Variants in SYT1 observed in about 807,000 individuals in gnomAD.
The protein encoded by SYT1 is synaptotagmin-1.
In SYT1, 8 loss-of-function variants were observed where a neutral mutation model predicts 44.8. That is an observed-to-expected ratio of 0.18 (90% CI 0.10 to 0.32). The LOEUF is 0.32. SYT1 is among the 10% of genes least tolerant of loss of function. SYT1 has a pLI of 1.00. For missense variants in SYT1, 286 were observed against 509.3 expected, an observed-to-expected ratio of 0.56 and a Z score of 4.22; for synonymous variants, 154 against 188.8, an observed-to-expected ratio of 0.82 and a Z score of 1.51.
At chr12:79,238,210 C>T (rs1173456185) in intron 4 of SYT1, among the ~76,000 whole-genome samples, 3 of 148,410 alleles carry the variant, frequency 2.0e-5, no homozygotes, top group Admixed American at 6.7e-5. Context: ...CATGTGACCC[C>T]GTTTTCTAAG....
At chr12:79,040,942 G>A (rs1469766504) in intron 2 of SYT1, among the ~76,000 whole-genome samples, 2 of 151,132 alleles carry the variant, frequency 1.3e-5, no homozygotes, top group South Asian at 2.1e-4. Flanking sequence ...GTAGATATGC[G>A]GCGTTATTTC....
intron 9 of SYT1, among the ~76,000 whole-genome samples, chr12:79,424,076 G>C (rs970887745): frequency 6.6e-6 from 1 of 151,908 alleles, no homozygotes; most frequent in Non-Finnish European, 1.5e-5. Flanking sequence ...ACTTAGTTCA[G>C]ATTATAAAGA....
intron 3 of SYT1, among the ~76,000 whole-genome samples, chr12:79,207,518 C>T (rs1257910681): frequency 6.6e-6 from 1 of 152,178 alleles, no homozygotes; most frequent in Admixed American, 6.5e-5. Context: ...TCCTGATGCT[C>T]TCCCTGCCCC....
At chr12:79,001,237 C>T (rs187687293) in intron 2 of SYT1, among the ~76,000 whole-genome samples, 103 of 150,738 alleles carry the variant, frequency 6.8e-4, no homozygotes, top group African/African-American at 2.5e-3. Context: ...AAATTCTTTA[C>T]ACATTATGAA....
intron 9 of SYT1, among the ~76,000 whole-genome samples, chr12:79,388,428 C>G (rs933446171): frequency 6.6e-6 from 1 of 152,100 alleles, no homozygotes; most frequent in African/African-American, 2.4e-5. Flanking sequence ...GTCACAGTGG[C>G]TCACATCTGT....
intron 1 of SYT1, chr12:78,926,782 A>G (rs546274113): frequency 2.6e-5 from 4 of 152,172 alleles, no homozygotes; most frequent in East Asian, 1.9e-4. Context: ...TACTCCCTAT[A>G]TTCTTTATAG....
chr12:79,061,642 A>T (rs1486226270), intron 3 of SYT1, among the ~76,000 whole-genome samples: 1 of 152,130 alleles, frequency 6.6e-6, no homozygotes, highest in African/African-American at 2.4e-5. Context: ...TAGTATGAAG[A>T]TTAGAAGTTC....
intron 6 of SYT1, among the ~76,000 whole-genome samples, chr12:79,293,410 T>TACAA (rs1491415574): frequency 1.5e-5 from 1 of 66,866 alleles, no homozygotes; most frequent in African/African-American, 5.4e-5. Flanking sequence ...TAAAATAAAA[T>TACAA]TAAAAAATCT....
chr12:79,126,516 C>T (rs1328475171), intron 3 of SYT1, among the ~76,000 whole-genome samples: 2 of 152,170 alleles, frequency 1.3e-5, no homozygotes, highest in Non-Finnish European at 2.9e-5. Flanking sequence ...ACCTCAGCCT[C>T]CCAAAGTGCT....
At chr12:79,316,870 C>T (rs960785361) in intron 8 of SYT1, among the ~76,000 whole-genome samples, 1 of 152,194 alleles carries the variant, frequency 6.6e-6, no homozygotes, top group African/African-American at 2.4e-5. Context: ...CAGTAATTAG[C>T]TCTTAGGAGA....
intron 3 of SYT1, among the ~76,000 whole-genome samples, chr12:79,059,180 C>T (rs948994226): frequency 2.0e-5 from 3 of 151,942 alleles, no homozygotes; most frequent in Admixed American, 6.6e-5. Flanking sequence ...TTCACTGTCA[C>T]GAGAACAGCA....
At chr12:79,213,318 T>C (rs1164661151) in intron 3 of SYT1, among the ~76,000 whole-genome samples, 1 of 152,168 alleles carries the variant, frequency 6.6e-6, no homozygotes, top group East Asian at 1.9e-4. Flanking sequence ...AACAGGATTA[T>C]ATTGGATACT....
chr12:79,323,354 C>T (rs547090053), intron 8 of SYT1, among the ~76,000 whole-genome samples: 1 of 152,268 alleles, frequency 6.6e-6, no homozygotes, highest in East Asian at 1.9e-4. Flanking sequence ...CATATATCAG[C>T]CCTTGCTGAC....
intron 1 of SYT1, among the ~76,000 whole-genome samples, chr12:78,959,589 T>C (rs1879398728): frequency 6.6e-6 from 1 of 152,180 alleles, no homozygotes. Context: ...CATTATTCTG[T>C]TGGACAATTC....
chr12:79,173,512 G>C (rs1319739712), intron 3 of SYT1, among the ~76,000 whole-genome samples: 1 of 151,982 alleles, frequency 6.6e-6, no homozygotes, highest in African/African-American at 2.4e-5. Flanking sequence ...CCCATCACTC[G>C]GTTGGAATAT....
intron 2 of SYT1, among the ~76,000 whole-genome samples, chr12:79,027,069 T>G (rs1475060803): frequency 6.6e-6 from 1 of 151,540 alleles, no homozygotes; most frequent in Non-Finnish European, 1.5e-5. Context: ...TCTGCTTTAT[T>G]AAGAGGACTG....
chr12:79,160,932 C>T (rs1168684574), intron 3 of SYT1, among the ~76,000 whole-genome samples: 1 of 152,060 alleles, frequency 6.6e-6, no homozygotes, highest in African/African-American at 2.4e-5. Flanking sequence ...TGATAGTGGT[C>T]CATAAAATTA....
chr12:79,324,951 G>A (rs771884929), intron 8 of SYT1, among the ~76,000 whole-genome samples: 34 of 152,150 alleles, frequency 2.2e-4, no homozygotes, highest in Non-Finnish European at 4.4e-4. Flanking sequence ...CTTGAAGCAT[G>A]GATTTTTAAA....
intron 2 of SYT1, among the ~76,000 whole-genome samples, chr12:79,003,399 C>T (rs1453976547): frequency 6.6e-6 from 1 of 151,952 alleles, no homozygotes; most frequent in Non-Finnish European, 1.5e-5. Context: ...TTTCCAAACA[C>T]AGTCCTAGTC....
Sources: allele counts gnomAD v4.1 joint callset (sites outside exome capture counted in the v4.1 genomes callset), GRCh38; gene constraint gnomAD v4.1.1; transcripts MANE v1.5; gene names NCBI Gene and HGNC (gene_info 2026-07-23, HGNC 2026-07-21).